The following COMMD10 variants were observed in gnomAD, a reference collection of about 807,000 sequenced individuals.
The protein encoded by COMMD10 is COMM domain containing 10.
Under a neutral mutation model 28.9 loss-of-function variants are expected in COMMD10, and 33 were observed. The observed-to-expected ratio is 1.14, with a 90% CI of 0.87 to 1.53. The LOEUF (loss-of-function observed/expected upper bound fraction) is 1.53, where lower values mean the gene tolerates loss of function less well. Among genes scored for constraint, COMMD10 ranks in the 40% most tolerant of loss-of-function variants. The pLI, the probability that COMMD10 is intolerant of heterozygous loss-of-function variation, is 0.00. For synonymous variants in COMMD10, 110 were observed against 81.7 expected, an observed-to-expected ratio of 1.35 and a Z score of -1.87; for missense variants, 310 against 233.4, an observed-to-expected ratio of 1.33 and a Z score of -2.14.
intron 5 of COMMD10, among the ~76,000 whole-genome samples, chr5:116,148,738 C>G (rs1278659826): frequency 2.0e-5 from 3 of 151,504 alleles, no homozygotes; most frequent in Non-Finnish European, 4.4e-5. Context: ...AAATTGAAAA[C>G]TTTTGTGTAT....
chr5:116,273,710 G>T (rs1224980536), intron 5 of COMMD10, among the ~76,000 whole-genome samples: 2 of 151,692 alleles, frequency 1.3e-5, no homozygotes, highest in African/African-American at 4.9e-5. Flanking sequence ...GAACAGTCCA[G>T]TTGAAATGTT....
chr5:116,123,512 A>G (rs1751514124), intron 4 of COMMD10, among the ~76,000 whole-genome samples: 1 of 152,002 alleles, frequency 6.6e-6, no homozygotes, highest in Non-Finnish European at 1.5e-5. Flanking sequence ...TTCATCAGGG[A>G]TATTGGTCTA....
chr5:116,094,160 A>G (rs1288065290), intron 4 of COMMD10, among the ~76,000 whole-genome samples: 3 of 152,230 alleles, frequency 2.0e-5, no homozygotes, highest in Non-Finnish European at 1.5e-5. Flanking sequence ...AAACCCCAAA[A>G]TAGACAAATG....
intron 5 of COMMD10, among the ~76,000 whole-genome samples, chr5:116,168,436 T>G (rs1342807568): frequency 1.3e-5 from 2 of 152,156 alleles, no homozygotes; most frequent in African/African-American, 4.8e-5. Flanking sequence ...GGACAAAAAA[T>G]TAATAAGGAT....
Position 116,112,404 on chromosome 5 carries a change from TTC to T in COMMD10, c.399+19706_399+19707del, listed in dbSNP as rs1222672420. Among the ~76,000 whole-genome samples the T allele has an allele frequency of 1.8e-3, 278 of 152,222 alleles. 2 individuals are homozygous for T. Among genetic ancestry groups the T allele is most frequent in the African/African-American group, 6.3e-3 (262 of 41,508 alleles). On this transcript the variant is annotated intron_variant, in intron 4 of 6. Transcript: ENST00000274458. The stretch of plus-strand genomic sequence containing the variant: ...GTAAATAGCATATAGTTGATTTTTT[TTC>T]TTTTTTTTTGAGATGGAGTCGCGTG...
intron 4 of COMMD10, among the ~76,000 whole-genome samples, chr5:116,113,743 C>G (rs551669135): frequency 2.0e-5 from 3 of 151,946 alleles, no homozygotes; most frequent in Non-Finnish European, 4.4e-5. Context: ...TCTCATTGAA[C>G]TTAATTGAAA....
At chr5:116,104,138 T>C (rs1258785024) in intron 4 of COMMD10, among the ~76,000 whole-genome samples, 1 of 152,246 alleles carries the variant, frequency 6.6e-6, no homozygotes, top group East Asian at 1.9e-4. Flanking sequence ...GGGCTCCTTT[T>C]GGTTCCATGT....
At chr5:116,188,095 A>G (rs1748200514) in intron 5 of COMMD10, among the ~76,000 whole-genome samples, 1 of 152,152 alleles carries the variant, frequency 6.6e-6, no homozygotes, top group African/African-American at 2.4e-5. Context: ...TATAATGGAA[A>G]CTAACCTAGA....
At chr5:116,195,479 T>C (rs1425688445) in intron 5 of COMMD10, among the ~76,000 whole-genome samples, 2 of 152,156 alleles carry the variant, frequency 1.3e-5, no homozygotes, top group Non-Finnish European at 2.9e-5. Context: ...ACAAGATTAA[T>C]GTACACAAAT....
intron 5 of COMMD10, among the ~76,000 whole-genome samples, chr5:116,144,433 A>T (rs1249226257): frequency 6.6e-6 from 1 of 151,854 alleles, no homozygotes; most frequent in Non-Finnish European, 1.5e-5. Flanking sequence ...ACCCAGACTC[A>T]GTGGTTAAGT....
intron 5 of COMMD10, among the ~76,000 whole-genome samples, chr5:116,198,388 T>C (rs1331865150): frequency 1.3e-5 from 2 of 152,176 alleles, no homozygotes; most frequent in African/African-American, 2.4e-5. Flanking sequence ...AGAGCAGTGT[T>C]AGGTTCACAG....
At chr5:116,162,906 T>C (rs1447686144) in intron 5 of COMMD10, among the ~76,000 whole-genome samples, 1 of 152,102 alleles carries the variant, frequency 6.6e-6, no homozygotes, top group Non-Finnish European at 1.5e-5. Flanking sequence ...AGAGCCCTAA[T>C]ATGTATCTGA....
chr5:116,227,091 G>A (rs902866375), intron 5 of COMMD10, among the ~76,000 whole-genome samples: 2 of 151,810 alleles, frequency 1.3e-5, no homozygotes, highest in Non-Finnish European at 2.9e-5. Context: ...AGGAAAGCAG[G>A]GTCTGTATCT....
rs536863477 is a variant in COMMD10 at position 116,195,715 on chromosome 5, T to C, written c.510+61537T>C. Among the ~76,000 whole-genome samples, 81 of 152,214 alleles carry C rather than the reference T, an allele frequency of 5.3e-4. 3 individuals are homozygous for C. The highest frequency in any genetic ancestry group is 3.4e-3 in the Middle Eastern group (1 of 294). On this transcript the variant is annotated intron_variant, in intron 5 of 6. Transcript: ENST00000274458. ...GCTCATGAATGGGTAGAATCAGTATTGTTTAATATTACTCAAATCAGTAAG... is the reference window on the plus strand; with the variant it reads ...GCTCATGAATGGGTAGAATCAGTATCGTTTAATATTACTCAAATCAGTAAG...
intron 5 of COMMD10, among the ~76,000 whole-genome samples, chr5:116,263,755 G>A (rs980083619): frequency 1.2e-4 from 18 of 151,612 alleles, no homozygotes; most frequent in African/African-American, 4.4e-4. Flanking sequence ...GAAGCTCCCC[G>A]CGCCCCTACT....
chr5:116,224,475 T>C (rs1749341934), intron 5 of COMMD10, among the ~76,000 whole-genome samples: 1 of 152,226 alleles, frequency 6.6e-6, no homozygotes, highest in Admixed American at 6.5e-5. Flanking sequence ...CATCTGCTTC[T>C]GGTAAGGCCT....
rs2009739444 is a variant in COMMD10, at chr5:116,242,852, A to T, written c.511-48665A>T. On this transcript the variant is annotated intron_variant, in intron 5 of 6. Transcript: ENST00000274458. ...GGTATTAAGCTAATATAAGAAAAGTAAATAATAATCGTTGGATAGGCTTCA... is the reference window on the plus strand; with the variant it reads ...GGTATTAAGCTAATATAAGAAAAGTTAATAATAATCGTTGGATAGGCTTCA... 3.9e-5 allele frequency among the ~76,000 whole-genome samples: 6 copies of T among 152,294 alleles called. No homozygotes were observed. In the South Asian group the frequency reaches 1.2e-3, roughly 32 times the overall value.
At chr5:116,127,062 C>G (rs1393671242) in intron 4 of COMMD10, among the ~76,000 whole-genome samples, 1 of 152,194 alleles carries the variant, frequency 6.6e-6, no homozygotes, top group African/African-American at 2.4e-5. Context: ...CTACAAAGAA[C>G]TTGAACAAAT....
intron 2 of COMMD10, among the ~76,000 whole-genome samples, chr5:116,090,570 A>G (rs746711118): frequency 6.6e-6 from 1 of 152,230 alleles, no homozygotes; most frequent in African/African-American, 2.4e-5. Flanking sequence ...ACAGTGCTGT[A>G]TATCTAGTTT....
Sources: gnomAD v4.1 joint callset for allele counts (sites outside exome capture counted in the v4.1 genomes callset) on GRCh38, gnomAD v4.1.1 for gene constraint, MANE v1.5 for transcripts, NCBI Gene and HGNC (gene_info 2026-07-23, HGNC 2026-07-21) for gene names.